Variants in A1CF observed in about 807,000 individuals in gnomAD.
A1CF encodes the protein APOBEC-1 stimulating protein.
A1CF carries 48 observed loss-of-function variants against 68.9 expected under a neutral mutation model. The ratio of observed to expected loss-of-function variants is 0.70; its 90% confidence interval spans 0.55 to 0.89. A1CF has a LOEUF of 0.89. A1CF is among the 40% of genes least tolerant of loss of function. A1CF has a pLI of 0.00. For missense variants in A1CF, 653 were observed against 718.9 expected (o/e 0.91, Z 1.05); for synonymous variants, 272 against 260.4 (o/e 1.04, Z -0.43).
At chr10:50,884,942 A>C (rs1196564954) in intron 1 of A1CF, among the ~76,000 whole-genome samples, 1 of 152,236 alleles carries the variant, frequency 6.6e-6, no homozygotes, top group African/African-American at 2.4e-5. Context: ...ACAATATAAT[A>C]ATTAGCCATT....
At chr10:50,826,923 A>AATGGATGG (rs1838970831) in intron 7 of A1CF, among the ~76,000 whole-genome samples, 1 of 152,178 alleles carries the variant, frequency 6.6e-6, no homozygotes, top group Non-Finnish European at 1.5e-5. Context: ...GCTCAAAGTA[A>AATGGATGG]ATGGATGGAG....
intron 1 of A1CF, among the ~76,000 whole-genome samples, chr10:50,876,247 G>C (rs1186213283): frequency 6.6e-6 from 1 of 152,230 alleles, no homozygotes; most frequent in Non-Finnish European, 1.5e-5. Flanking sequence ...AATAAATTCT[G>C]AGAGGTCAGT....
chr10:50,857,162 C>T (rs4567398), intron 3 of A1CF, among the ~76,000 whole-genome samples: 12,842 of 151,950 alleles, frequency 0.085, 760 homozygotes, highest in South Asian at 0.16. Context: ...GATTTTAAGA[C>T]GGAATTGGAC....
intron 6 of A1CF, among the ~76,000 whole-genome samples, chr10:50,829,583 T>G (rs539152020): frequency 6.6e-6 from 1 of 152,314 alleles, no homozygotes; most frequent in South Asian, 2.1e-4. Flanking sequence ...TCTTAAGAGA[T>G]AACTGACCCT....
Position 50,816,089 on chromosome 10 carries a change from T to C in A1CF, c.1058A>G (p.Tyr353Cys). The stretch of plus-strand genomic sequence containing the variant: ...GAAATGAAGACTGGGAATTGCTGCA[T>C]AGGTCTGGGGGGCATAGAAGACAGG... ...GAPVFYAPQT[Y>C]AAIPSLHFPA... Residue 353 changes from tyrosine (Y) to cysteine (C), a missense_variant, in exon 9 of 13, where the codon TAT becomes TGT. Transcript: ENST00000373997. 2 of 1,613,752 alleles carry C rather than the reference T, an allele frequency of 1.2e-6. No individual in the cohort carries two copies. Among genetic ancestry groups the C allele is most frequent in the Non-Finnish European group, 1.7e-6 (2 of 1,179,838 alleles).
chr10:50,809,842 G>A, intron 12 of A1CF, 52 bp downstream of exon 12: 11 of 1,604,164 alleles, frequency 6.9e-6, no homozygotes, highest in East Asian at 4.5e-5. Flanking sequence ...CCAAAAAAGG[G>A]TTTCCCAAAT....
intron 3 of A1CF, chr10:50,850,598 G>GTT: frequency 1.3e-6 from 2 of 1,559,808 alleles, no homozygotes; most frequent in Admixed American, 3.3e-5. Flanking sequence ...GCATTTGTGT[G>GTT]TGTGTGTGTG....
chr10:50,864,712 AGG>A (rs559450576), intron 1 of A1CF, among the ~76,000 whole-genome samples: 145 of 152,094 alleles, frequency 9.5e-4, no homozygotes, highest in African/African-American at 3.4e-3. Flanking sequence ...TCCGCATCCC[AGG>A]TTCAAGCGAT....
At chr10:50,852,446 T>G (rs1378418774) in intron 3 of A1CF, among the ~76,000 whole-genome samples, 2 of 152,132 alleles carry the variant, frequency 1.3e-5, no homozygotes, top group Non-Finnish European at 2.9e-5. Context: ...TAAGACTGCT[T>G]CTGAGCTTTA....
intron 7 of A1CF, chr10:50,822,718 T>C (rs1838735005): frequency 6.6e-6 from 1 of 152,224 alleles, no homozygotes; most frequent in South Asian, 2.1e-4. Flanking sequence ...ATTAACTGAA[T>C]ATCCAATATA....
Position 50,799,457 on chromosome 10 carries a change from C to T in A1CF, c.*7272G>A, listed in dbSNP as rs1186106932. The T allele has an allele frequency of 1.3e-5, 2 of 152,030 alleles. No individual in the cohort carries two copies. Among genetic ancestry groups the T allele is most frequent in the South Asian group, 4.2e-4 (2 of 4,816 alleles). 9.4% of individuals were successfully genotyped at this position (152,030 alleles called of 1,614,324 possible). A position where few individuals can be genotyped will look rare whatever the true frequency, so the allele number is the denominator to read the frequency against. On this transcript the variant is annotated 3_prime_UTR_variant, in exon 13 of 13. Coordinates refer to ENST00000373997, the MANE Select transcript of A1CF (RefSeq NM_014576.4). The stretch of plus-strand genomic sequence containing the variant: ...ATGGCACTTGAAAATTCAATTAAAA[C>T]AATTGCATCATCCAGGAATTATACA...
chr10:50,835,370 T>A (rs2132424910), intron 6 of A1CF, among the ~76,000 whole-genome samples: 1 of 152,294 alleles, frequency 6.6e-6, no homozygotes, highest in African/African-American at 2.4e-5. Flanking sequence ...TTCCAGTGTG[T>A]CCAGTCTGTC....
At chr10:50,850,620 G>C in intron 3 of A1CF, 1 of 1,612,254 alleles carries the variant, frequency 6.2e-7, no homozygotes, top group Non-Finnish European at 8.5e-7. Flanking sequence ...TTCTGTAAAA[G>C]AGAACGAGTA....
At chr10:50,876,343 G>T (rs767210007) in intron 1 of A1CF, among the ~76,000 whole-genome samples, 6 of 152,168 alleles carry the variant, frequency 3.9e-5, no homozygotes, top group Non-Finnish European at 7.3e-5. Context: ...TGTCCAGCCT[G>T]TGCTCCACTT....
chr10:50,846,134 A>G (rs1839990358), intron 3 of A1CF, among the ~76,000 whole-genome samples: 1 of 152,172 alleles, frequency 6.6e-6, no homozygotes, highest in African/African-American at 2.4e-5. Context: ...CAGTGCCAAC[A>G]TGATGCCACA....
chr10:50,863,818 G>A (rs1349788935), intron 2 of A1CF, among the ~76,000 whole-genome samples: 2 of 151,986 alleles, frequency 1.3e-5, no homozygotes, highest in African/African-American at 2.4e-5. Context: ...GTATAGTAGG[G>A]AAATTATAGT....
At chr10:50,881,101 C>T (rs186761835) in intron 1 of A1CF, among the ~76,000 whole-genome samples, 367 of 152,018 alleles carry the variant, frequency 2.4e-3, no homozygotes, top group Non-Finnish European at 4.2e-3. Context: ...GTGATTTTCC[C>T]GCCTCAGCCT....
rs780565606 is a variant in A1CF, at chr10:50,810,009, A to C, written c.1494T>G (p.Phe498Leu). ...HPFTPPKLSA[F>L]VDEAKTYAAE... Reference sequence around the variant, plus strand: ...CTGCATACGTCTTTGCTTCATCCACAAAGGCACTCAGCTTTGGAGGTGTGA... The same window carrying C: ...CTGCATACGTCTTTGCTTCATCCACCAAGGCACTCAGCTTTGGAGGTGTGA... The change falls in exon 12 of 13, where the codon TTT (phenylalanine) becomes TTG (leucine). Residue 498 changes from phenylalanine to leucine, a missense_variant. Transcript: ENST00000373997. 2 of 1,613,914 alleles carry C rather than the reference A, an allele frequency of 1.2e-6. No individual in the cohort carries two copies. Among genetic ancestry groups the C allele is most frequent in the Non-Finnish European group, 1.7e-6 (2 of 1,179,900 alleles).
intron 3 of A1CF, among the ~76,000 whole-genome samples, chr10:50,853,167 T>C (rs1259980008): frequency 6.6e-6 from 1 of 152,166 alleles, no homozygotes; most frequent in Non-Finnish European, 1.5e-5. Context: ...TCATGGCTGA[T>C]TAACAGAGGA....
Sources: allele counts gnomAD v4.1 joint callset (sites outside exome capture counted in the v4.1 genomes callset), GRCh38; gene constraint gnomAD v4.1.1; transcripts MANE v1.5; gene names NCBI Gene and HGNC (gene_info 2026-07-23, HGNC 2026-07-21).